GRID2IP: variants seen among roughly 807,000 people sequenced by gnomAD.
GRID2IP encodes the protein Grid2 interacting protein, also known as delphilin.
A neutral mutation model predicts 114.3 loss-of-function variants in GRID2IP; 78 were observed. That is an observed-to-expected ratio of 0.68 (90% CI 0.57 to 0.82). GRID2IP has a LOEUF of 0.82. GRID2IP is among the 40% of genes least tolerant of loss of function. GRID2IP has a pLI of 0.00. For missense variants in GRID2IP, 1,727 were observed against 1,678.5 expected, an observed-to-expected ratio of 1.03 and a Z score of -0.51; for synonymous variants, 809 against 724.0, an observed-to-expected ratio of 1.12 and a Z score of -1.89.
chr7:6,529,002 C>T (rs1779567201), intron 2 of GRID2IP, among the ~76,000 whole-genome samples: 1 of 152,126 alleles, frequency 6.6e-6, no homozygotes. Flanking sequence ...CATGTCCAGG[C>T]AAAGGAGAGA....
chr7:6,509,231 A>C lies in GRID2IP; in HGVS notation c.1854T>G (p.Gly618=). The C allele has an allele frequency of 6.6e-7, 1 of 1,504,944 alleles. No homozygotes were observed. Among genetic ancestry groups the C allele is most frequent in the Non-Finnish European group, 8.9e-7 (1 of 1,124,594 alleles). 93.2% of individuals were successfully genotyped at this position (1,504,944 alleles called of 1,614,324 possible). The change falls in exon 12 of 22, where the codon GGT becomes GGG. Residue 618 remains glycine, a synonymous_variant. Transcript: ENST00000457091. The surrounding 1 kb of genome is among the most constrained non-coding windows in gnomAD (Gnocchi z 4.9). ...SPCYHPLCSG[G]LASPSSSESH... ...ACTCAGAGCTGCTGGGGGAGGCCAG[A>C]CCCCCCGAACACAGCGGGTGGTAGC...
chr7:6,550,452 G>C (rs1177832177), intron 1 of GRID2IP, among the ~76,000 whole-genome samples: 1 of 151,902 alleles, frequency 6.6e-6, no homozygotes, highest in South Asian at 2.1e-4. Flanking sequence ...AATTTATTGA[G>C]CTGCACACTT....
chr7:6,551,392 C>A lies in GRID2IP; in HGVS notation c.45G>T (p.Glu15Asp). Residue 15 changes from glutamate (E) to aspartate (D), a missense_variant, in exon 1 of 22, where the codon GAG becomes GAT. By Grantham distance (45) the Glu-to-Asp change is conservative. Transcript: ENST00000457091. Reference sequence around the variant, plus strand: ...AGCCACCTAGCCGGAAGCCAAAGTCCTCTGGCCAGCCCTGGTTCGTGGCCG... The same window carrying A: ...AGCCACCTAGCCGGAAGCCAAAGTCATCTGGCCAGCCCTGGTTCGTGGCCG... ...ATPATNQGWP[E>D]DFGFRLGGSG... is the part of the protein sequence containing the mutation. 6.5e-7 allele frequency: 1 copy of A among 1,547,954 alleles called. No individual in the cohort carries two copies. The highest frequency in any genetic ancestry group is 8.7e-7 in the Non-Finnish European group (1 of 1,145,760).
Position 6,534,949 on chromosome 7 carries a change from G to C in GRID2IP, c.584+4769C>G, listed in dbSNP as rs547476080. Reference sequence around the variant, plus strand: ...TGCCCAGGCTGGAGTGCAATGGCACGATCTCGGCTCACTGCAATCTCCGCC... The same window carrying C: ...TGCCCAGGCTGGAGTGCAATGGCACCATCTCGGCTCACTGCAATCTCCGCC... On this transcript the variant is annotated intron_variant, in intron 2 of 21. Coordinates refer to ENST00000457091, the MANE Select transcript of GRID2IP (RefSeq NM_001145118.2). This position sits in a 1 kb window ranked among gnomAD's most constrained non-coding sequence, Gnocchi z 4.5. Among the ~76,000 whole-genome samples, 1 of 152,256 alleles carries C rather than the reference G, an allele frequency of 6.6e-6. No homozygotes were observed. Among genetic ancestry groups the C allele is most frequent in the Non-Finnish European group, 1.5e-5 (1 of 68,022 alleles).
chr7:6,504,082 T>C (rs1187261620), intron 15 of GRID2IP, among the ~76,000 whole-genome samples: 1 of 61,870 alleles, frequency 1.6e-5, no homozygotes, highest in African/African-American at 6.6e-5. Flanking sequence ...GAGGCAGAGC[T>C]GGGGCGGGGA....
intron 10 of GRID2IP, 45 bp from the exon 11 acceptor site, chr7:6,510,445 G>T (rs763589286): frequency 7.0e-7 from 1 of 1,429,424 alleles, no homozygotes; most frequent in African/African-American, 1.4e-5. Context: ...GCTTCCCCTC[G>T]TAGCCCTAAT....
Position 6,502,823 on chromosome 7 carries a change from T to G in GRID2IP, c.3113A>C (p.Asn1038Thr). The G allele has an allele frequency of 6.4e-7, 1 of 1,551,946 alleles. No homozygotes were observed. Among genetic ancestry groups the G allele is most frequent in the South Asian group, 1.2e-5 (1 of 84,054 alleles). The change falls in exon 18 of 22, where the codon AAC becomes ACC. Residue 1038 changes from asparagine (N) to threonine (T), a missense_variant. Coordinates refer to ENST00000457091, the MANE Select transcript of GRID2IP (RefSeq NM_001145118.2). ...GTTGATCTTGAAGCCCGTAGTCTTG[T>G]TGGTTTTGGGCTGTCCATCGTTGAG... ...NYLNDGQPKT[N>T]KTTGFKINFL...
At position 6,534,151 on chromosome 7, in the gene GRID2IP, A is replaced by C. The variant is rs1779684414; in HGVS notation, c.584+5567T>G. ...AACTACCAAGCCCGTTTTACAGACA[A>C]ACTGTAGATGTCAGTGAACCTGCCT... is the stretch of plus-strand genomic sequence containing the variant. On this transcript the variant is annotated intron_variant, in intron 2 of 21. Coordinates refer to ENST00000457091, the MANE Select transcript of GRID2IP (RefSeq NM_001145118.2). The surrounding 1 kb of genome is among the most constrained non-coding windows in gnomAD (Gnocchi z 4.5). 1.3e-5 allele frequency among the ~76,000 whole-genome samples: 2 copies of C among 152,116 alleles called. No individual in the cohort carries two copies. Among genetic ancestry groups the C allele is most frequent in the Non-Finnish European group, 2.9e-5 (2 of 68,022 alleles).
chr7:6,520,207 G>A lies in GRID2IP; in HGVS notation c.1268+371C>T, dbSNP rs1042256367. Among the ~76,000 whole-genome samples, 4 of 152,038 alleles carry A rather than the reference G, an allele frequency of 2.6e-5. No homozygotes were observed. The highest frequency in any genetic ancestry group is 4.4e-5 in the Non-Finnish European group (3 of 68,024). ...ACTCGGAGGCTGAGGCAGAAGAATC[G>A]CTTGAACCCAGGAGGCGGAGGCTGC... On this transcript the variant is annotated intron_variant, in intron 7 of 21. Transcript: ENST00000457091. The surrounding 1 kb of genome is among the most constrained non-coding windows in gnomAD (Gnocchi z 4.6).
intron 8 of GRID2IP, among the ~76,000 whole-genome samples, chr7:6,513,849 G>A (rs1437494624): frequency 3.3e-5 from 5 of 151,580 alleles, no homozygotes; most frequent in African/African-American, 7.3e-5. Context: ...TTGGGAGGCC[G>A]GAGTGGGAGG....
At chr7:6,499,713 G>A (rs1178627148) in intron 20 of GRID2IP, among the ~76,000 whole-genome samples, 1 of 152,010 alleles carries the variant, frequency 6.6e-6, no homozygotes, top group Non-Finnish European at 1.5e-5. Context: ...TTACAGGCGT[G>A]AGCCACAGCG....
chr7:6,508,157 A>C lies in GRID2IP; in HGVS notation c.2372T>G (p.Leu791Arg). The C allele has an allele frequency of 6.6e-7, 1 of 1,507,314 alleles. No homozygotes were observed. The highest frequency in any genetic ancestry group is 8.9e-7 in the Non-Finnish European group (1 of 1,128,346). The allele number at this position is 1,507,314 out of a possible 1,614,324, so 93.4% of individuals were successfully genotyped here. Residue 791 changes from leucine (L) to arginine (R), a missense_variant, in exon 13 of 22, where the codon CTC becomes CGC. Coordinates refer to ENST00000457091, the MANE Select transcript of GRID2IP (RefSeq NM_001145118.2). This position sits in a 1 kb window ranked among gnomAD's most constrained non-coding sequence, Gnocchi z 5.6. ...AQALAKPLTQ[L>R]SHPVPPPPPP... ...GGGTGGTGGAGGGACTGGGTGGCTGAGTTGGGTGAGGGGCTTGGCCAGCGC... is the reference window on the plus strand; with the variant it reads ...GGGTGGTGGAGGGACTGGGTGGCTGCGTTGGGTGAGGGGCTTGGCCAGCGC...
intron 2 of GRID2IP, among the ~76,000 whole-genome samples, chr7:6,527,050 G>T (rs975697617): frequency 6.6e-6 from 1 of 151,994 alleles, no homozygotes; most frequent in Non-Finnish European, 1.5e-5. Context: ...TGCAGGGCCC[G>T]AGCCCCTCAA....
At position 6,508,056 on chromosome 7, in the gene GRID2IP, T is replaced by G; in HGVS notation, c.2473A>C (p.Thr825Pro). 6.5e-7 allele frequency: 1 copy of G among 1,545,816 alleles called. No homozygotes were observed. The highest frequency in any genetic ancestry group is 1.2e-5 in the South Asian group (1 of 83,842). The change falls in exon 13 of 22, where the codon ACC becomes CCC. Residue 825 changes from threonine (T) to proline (P), a missense_variant. Coordinates refer to ENST00000457091, the MANE Select transcript of GRID2IP (RefSeq NM_001145118.2). The surrounding 1 kb of genome is among the most constrained non-coding windows in gnomAD (Gnocchi z 5.6). ...AAGCGCTTGACGCTCATGTGGCTGG[T>G]CTCACTGCGCCGGTGGCCCAGGCCC... ...SRGLGHRRSETSHMSVKRLRW... is the reference protein window; with the variant it reads ...SRGLGHRRSEPSHMSVKRLRW...
intron 20 of GRID2IP, among the ~76,000 whole-genome samples, chr7:6,500,634 C>T (rs539184069): frequency 6.6e-6 from 1 of 152,320 alleles, no homozygotes; most frequent in African/African-American, 2.4e-5. Context: ...CGCACCAGGC[C>T]CCATGTGCTG....
chr7:6,548,684 A>C (rs1369387565), intron 1 of GRID2IP, among the ~76,000 whole-genome samples: 1 of 148,920 alleles, frequency 6.7e-6, no homozygotes, highest in East Asian at 2.0e-4. Context: ...AAGAATACAG[A>C]AAAAAAAAAT....
rs564074771 is a variant in GRID2IP at position 6,521,256 on chromosome 7, C to T, written c.1084+173G>A. On this transcript the variant is annotated intron_variant, in intron 6 of 21. Transcript: ENST00000457091. The surrounding 1 kb of genome is among the most constrained non-coding windows in gnomAD (Gnocchi z 4.1). ...AAAGTGCTGGGATTCCAGGCATGAG[C>T]CACCATGCCCAGCCTCACTGGGGTT... is the stretch of plus-strand genomic sequence containing the variant. Among the ~76,000 whole-genome samples, 1 of 152,296 alleles carries T rather than the reference C, an allele frequency of 6.6e-6. No individual in the cohort carries two copies. The highest frequency in any genetic ancestry group is 1.5e-5 in the Non-Finnish European group (1 of 68,020).
intron 2 of GRID2IP, among the ~76,000 whole-genome samples, chr7:6,537,874 C>T (rs578191788): frequency 3.3e-5 from 5 of 152,010 alleles, no homozygotes; most frequent in South Asian, 2.1e-4. Context: ...CAAAACAGAG[C>T]GGAAGAGCAG....
chr7:6,510,382 C>G lies in GRID2IP; in HGVS notation c.1672G>C (p.Glu558Gln). 1.3e-6 allele frequency: 2 copies of G among 1,538,808 alleles called. No homozygotes were observed. The highest frequency in any genetic ancestry group is 1.8e-6 in the Non-Finnish European group (2 of 1,140,496). ...CTGCTGTTCAGTCGAGACTCAAGCT[C>G]TGCATAGACGGCTGACATCTGGAGG... ...NPKMMSAVYA[E>Q]LESRLNSSFK... Residue 558 changes from glutamate (E) to glutamine (Q), a missense_variant, in exon 11 of 22, where the codon GAG becomes CAG. Transcript: ENST00000457091.
Sources: gnomAD v4.1 joint callset for allele counts (sites outside exome capture counted in the v4.1 genomes callset) on GRCh38, gnomAD v4.1.1 for gene constraint, Gnocchi (gnomAD v3.1) non-coding constraint, MANE v1.5 for transcripts, NCBI Gene and HGNC (gene_info 2026-07-23, HGNC 2026-07-21) for gene names.